DLGAP1: variants seen among roughly 807,000 people sequenced by gnomAD.
DLGAP1 encodes the protein DLG associated protein 1.
In DLGAP1, 11 loss-of-function variants were observed where a neutral mutation model predicts 90.8. The ratio of observed to expected loss-of-function variants is 0.12; its 90% CI spans 0.08 to 0.20. The LOEUF is 0.20. DLGAP1 is among the 10% of genes least tolerant of loss of function. The pLI is 1.00. For missense variants in DLGAP1, 1,050 were observed against 1,333.8 expected, an observed-to-expected ratio of 0.79 and a Z score of 3.31; for synonymous variants, 558 against 540.7, an observed-to-expected ratio of 1.03 and a Z score of -0.44.
chr18:3,845,349 G>T (rs544271164), intron 4 of DLGAP1: 31 of 1,556,450 alleles, frequency 2.0e-5, no homozygotes, highest in Non-Finnish European at 2.7e-5. Flanking sequence ...ATGATTTGCC[G>T]ATTCTAAGTG....
rs548021952 is a variant in DLGAP1, at chr18:3,508,764, T to C, written c.2480-103A>G. On this transcript the variant is annotated intron_variant, in intron 10 of 12. Transcript: ENST00000315677. ...GTTATGCTGTAATAATTAGGGAAAA[T>C]GGCACACACACACACTGAACACTCA... 6.2e-4 allele frequency: 535 copies of C among 861,266 alleles called. 8 individuals carry two copies. In the South Asian group the frequency reaches 8.3e-3, roughly 13 times the overall value. The allele number at this position is 861,266 out of a possible 1,614,324, so 53.4% of individuals were successfully genotyped here.
chr18:4,365,946 ACTTGT>A (rs2081754409), intron 1 of DLGAP1, among the ~76,000 whole-genome samples: 1 of 152,072 alleles, frequency 6.6e-6, no homozygotes, highest in Non-Finnish European at 1.5e-5. Context: ...ATCAGCGTAA[ACTTGT>A]CTTGTCTCAC....
intron 3 of DLGAP1, among the ~76,000 whole-genome samples, chr18:3,973,774 G>A (rs2073507365): frequency 6.6e-6 from 1 of 152,212 alleles, no homozygotes; most frequent in Admixed American, 6.5e-5. Flanking sequence ...TTAACCAGCT[G>A]AGGGTTCACA....
intron 2 of DLGAP1, among the ~76,000 whole-genome samples, chr18:4,036,239 C>T (rs1486715106): frequency 6.6e-6 from 1 of 152,076 alleles, no homozygotes; most frequent in East Asian, 1.9e-4. Context: ...CCTTTAAAAG[C>T]AGATGTGTTA....
chr18:4,203,317 A>C (rs1020011030), intron 1 of DLGAP1, among the ~76,000 whole-genome samples: 1 of 152,074 alleles, frequency 6.6e-6, no homozygotes, highest in African/African-American at 2.4e-5. Context: ...TTTAAAGCAT[A>C]AATATAGTAT....
chr18:4,401,764 C>T (rs963675822), intron 1 of DLGAP1, among the ~76,000 whole-genome samples: 1 of 152,064 alleles, frequency 6.6e-6, no homozygotes, highest in Non-Finnish European at 1.5e-5. Flanking sequence ...TACAATAATG[C>T]TGAATGTTAT....
chr18:4,222,237 C>G (rs1360828160), intron 1 of DLGAP1, among the ~76,000 whole-genome samples: 1 of 152,124 alleles, frequency 6.6e-6, no homozygotes, highest in Non-Finnish European at 1.5e-5. Flanking sequence ...TGCTTACATG[C>G]CTTAAAGTGA....
At chr18:3,686,659 C>T (rs1321347343) in intron 7 of DLGAP1, among the ~76,000 whole-genome samples, 3 of 152,078 alleles carry the variant, frequency 2.0e-5, no homozygotes, top group African/African-American at 7.2e-5. Context: ...TCAAAGAAAT[C>T]ATTGGTCAGG....
chr18:4,409,305 T>C (rs1446033007), intron 1 of DLGAP1, among the ~76,000 whole-genome samples: 1 of 152,154 alleles, frequency 6.6e-6, no homozygotes, highest in Non-Finnish European at 1.5e-5. Flanking sequence ...GCAGTTTCTA[T>C]AATTCTTTTT....
At chr18:4,320,908 G>T (rs561390416) in intron 1 of DLGAP1, among the ~76,000 whole-genome samples, 3 of 152,140 alleles carry the variant, frequency 2.0e-5, no homozygotes, top group African/African-American at 7.2e-5. Context: ...GCCTTTCTGG[G>T]CACTGATATT....
intron 7 of DLGAP1, among the ~76,000 whole-genome samples, chr18:3,617,230 G>C (rs1299129202): frequency 6.6e-6 from 1 of 152,194 alleles, no homozygotes; most frequent in Non-Finnish European, 1.5e-5. Context: ...CCCCAAACTA[G>C]TGAGTGGCAG....
intron 7 of DLGAP1, among the ~76,000 whole-genome samples, chr18:3,657,665 C>T (rs111585382): frequency 0.039 from 5,792 of 148,758 alleles, 373 homozygotes; most frequent in African/African-American, 0.14. Flanking sequence ...TGCAGTGGCG[C>T]GATCTCGGCT....
intron 5 of DLGAP1, among the ~76,000 whole-genome samples, chr18:3,780,736 C>T (rs571927616): frequency 6.6e-6 from 1 of 152,300 alleles, no homozygotes; most frequent in South Asian, 2.1e-4. Flanking sequence ...ATTATTCTGT[C>T]TGCCACAAGA....
At chr18:4,402,069 C>G (rs2082566903) in intron 1 of DLGAP1, among the ~76,000 whole-genome samples, 1 of 152,198 alleles carries the variant, frequency 6.6e-6, no homozygotes, top group Admixed American at 6.5e-5. Flanking sequence ...AAAGTAGCCT[C>G]AGCACTTACA....
chr18:3,765,396 C>T (rs1420912296), intron 5 of DLGAP1, among the ~76,000 whole-genome samples: 1 of 151,272 alleles, frequency 6.6e-6, no homozygotes, highest in African/African-American at 2.4e-5. Flanking sequence ...TCCCAAAGTG[C>T]TGGGATTACA....
intron 1 of DLGAP1, among the ~76,000 whole-genome samples, chr18:4,299,877 C>G (rs1383067859): frequency 6.6e-6 from 1 of 152,078 alleles, no homozygotes; most frequent in Middle Eastern, 3.2e-3. Flanking sequence ...ACACGGCACT[C>G]TAAGGAATCC....
At chr18:3,657,038 ATTTGGC>A (rs2059517714) in intron 7 of DLGAP1, among the ~76,000 whole-genome samples, 1 of 152,184 alleles carries the variant, frequency 6.6e-6, no homozygotes, top group South Asian at 2.1e-4. Context: ...GAGCCACCAC[ATTTGGC>A]TTTTCGGTGA....
At chr18:3,602,095 T>C (rs1396483387) in intron 7 of DLGAP1, among the ~76,000 whole-genome samples, 1 of 152,186 alleles carries the variant, frequency 6.6e-6, no homozygotes, top group Non-Finnish European at 1.5e-5. Context: ...CTCCGTGCTA[T>C]GTACAAGCCG....
chr18:3,566,637 A>G (rs982211187), intron 9 of DLGAP1, among the ~76,000 whole-genome samples: 1 of 152,192 alleles, frequency 6.6e-6, no homozygotes, highest in African/African-American at 2.4e-5. Flanking sequence ...AAGGATGGAT[A>G]GGTGACATTC....
Sources: gnomAD v4.1 joint callset for allele counts (sites outside exome capture counted in the v4.1 genomes callset) on GRCh38, gnomAD v4.1.1 for gene constraint, MANE v1.5 for transcripts, NCBI Gene and HGNC (gene_info 2026-07-23, HGNC 2026-07-21) for gene names.